DNAJC17: variants seen among roughly 807,000 people sequenced by gnomAD.
DNAJC17 encodes the protein DnaJ heat shock protein family (Hsp40) member C17.
In DNAJC17, 35 loss-of-function variants were observed where a neutral mutation model predicts 48.1. The ratio of observed to expected loss-of-function variants is 0.73; its 90% CI spans 0.56 to 0.96. DNAJC17 has a LOEUF of 0.96. Ranked by LOEUF, DNAJC17 falls within the 50% of genes least tolerant of loss-of-function variation. The pLI, the probability that DNAJC17 is intolerant of heterozygous loss-of-function variation, is 0.00. For missense variants in DNAJC17, 355 were observed against 377.1 expected, an observed-to-expected ratio of 0.94 and a Z score of 0.48; for synonymous variants, 117 against 142.7, an observed-to-expected ratio of 0.82 and a Z score of 1.28.
intron 1 of DNAJC17, among the ~76,000 whole-genome samples, chr15:40,803,022 G>A (rs1250818392): frequency 6.6e-6 from 1 of 151,506 alleles, no homozygotes; most frequent in Non-Finnish European, 1.5e-5. Flanking sequence ...AGGATTGCTT[G>A]AGCCCAGGAG....
intron 10 of DNAJC17, among the ~76,000 whole-genome samples, 171 bp downstream of exon 10, chr15:40,773,556 G>C (rs369464811): frequency 6.6e-6 from 1 of 152,212 alleles, no homozygotes; most frequent in Admixed American, 6.5e-5. Flanking sequence ...GGCCCTCAGA[G>C]AGGAAAAGGG....
At chr15:40,793,457 T>C (rs1038353501) in intron 1 of DNAJC17, among the ~76,000 whole-genome samples, 3 of 152,116 alleles carry the variant, frequency 2.0e-5, no homozygotes, top group Admixed American at 6.6e-5. Context: ...CTCCATTCAT[T>C]TGTTGATGTG....
At chr15:40,799,995 T>G (rs1409747466) in intron 1 of DNAJC17, among the ~76,000 whole-genome samples, 2 of 141,212 alleles carry the variant, frequency 1.4e-5, no homozygotes, top group East Asian at 3.9e-4. Flanking sequence ...CACACCAGGG[T>G]TTTTTTTTTG....
chr15:40,786,574 G>A (rs1263692153), intron 1 of DNAJC17, among the ~76,000 whole-genome samples: 2 of 152,192 alleles, frequency 1.3e-5, no homozygotes, highest in African/African-American at 4.8e-5. Context: ...ACAGCAAGGT[G>A]TGGCTTTTCA....
In DNAJC17 at chr15:40,770,624, CGAG is replaced by C. The variant is rs1260786331; in HGVS notation, c.793-2565_793-2563del. ...AGGCCAGCACAGCAGGTGGGGACCACGAGGAGTACAGCAACCGAGAAGTCATCC... is the reference window on the plus strand; with the variant it reads ...AGGCCAGCACAGCAGGTGGGGACCACGAGTACAGCAACCGAGAAGTCATCC... On this transcript the variant is annotated intron_variant, in intron 10 of 10. Coordinates refer to ENST00000220496, the MANE Select transcript of DNAJC17 (RefSeq NM_018163.3). This position sits in a 1 kb window ranked among gnomAD's most constrained non-coding sequence, Gnocchi z 5.0. 2 of 1,550,562 alleles carry C rather than the reference CGAG, an allele frequency of 1.3e-6. No individual in the cohort carries two copies. Among genetic ancestry groups the C allele is most frequent in the East Asian group, 2.4e-5 (1 of 40,922 alleles).
At position 40,768,072 on chromosome 15, in the gene DNAJC17, A is replaced by G; in HGVS notation, c.793-10T>C. 1 of 1,548,588 alleles carries G rather than the reference A, an allele frequency of 6.5e-7. No homozygotes were observed. Among genetic ancestry groups the G allele is most frequent in the Non-Finnish European group, 8.7e-7 (1 of 1,150,956 alleles). On this transcript the variant is annotated splice_polypyrimidine_tract_variant and intron_variant, in intron 10 of 10. Coordinates refer to ENST00000220496, the MANE Select transcript of DNAJC17 (RefSeq NM_018163.3). The stretch of plus-strand genomic sequence containing the variant: ...CTGACAGCACTGAGCCCTGTCGGAC[A>G]GGGCAGGGACAGGGAGGGGTCAGGG...
In DNAJC17 at chr15:40,770,927, T is replaced by C; in HGVS notation, c.792+2800A>G. On this transcript the variant is annotated intron_variant, in intron 10 of 10. Transcript: ENST00000220496. This position sits in a 1 kb window ranked among gnomAD's most constrained non-coding sequence, Gnocchi z 5.0. ...GGACACCTACCCCAGACCTCAGTGA[T>C]CCCTTCCTCTCCTTCAAAGTGGACC... is the stretch of plus-strand genomic sequence containing the variant. 2 of 1,551,458 alleles carry C rather than the reference T, an allele frequency of 1.3e-6. No homozygotes were observed. The highest frequency in any genetic ancestry group is 1.7e-6 in the Non-Finnish European group (2 of 1,146,988).
In DNAJC17 at chr15:40,767,114, A is replaced by G. The variant is rs1255538021; in HGVS notation, c.*826T>C. The G allele has an allele frequency of 1.7e-6, 2 of 1,155,974 alleles. No individual in the cohort carries two copies. The highest frequency in any genetic ancestry group is 2.3e-6 in the Non-Finnish European group (2 of 860,866). 71.6% of individuals were successfully genotyped at this position (1,155,974 alleles called of 1,614,324 possible). A position where few individuals can be genotyped will look rare whatever the true frequency, so the allele number is the denominator to read the frequency against. ...TTACCCCAGCGCCCAGCAAGCAGCC[A>G]GCAAGTGTGAGTCACTACAAGAGTG... On this transcript the variant is annotated 3_prime_UTR_variant, in exon 11 of 11. Coordinates refer to ENST00000220496, the MANE Select transcript of DNAJC17 (RefSeq NM_018163.3).
intron 1 of DNAJC17, among the ~76,000 whole-genome samples, chr15:40,783,088 A>G (rs1432073756): frequency 2.6e-5 from 4 of 151,736 alleles, no homozygotes; most frequent in South Asian, 2.1e-4. Flanking sequence ...GCAATATATC[A>G]TCTTTACTTT....
At chr15:40,775,635 G>T in intron 6 of DNAJC17, 39 bp from the exon 7 acceptor site, 1 of 1,598,094 alleles carries the variant, frequency 6.3e-7, no homozygotes, top group Non-Finnish European at 8.6e-7. Flanking sequence ...AGAATATGAG[G>T]GAGTCAGAGA....
At chr15:40,780,040 C>T in intron 1 of DNAJC17, 43 bp from the exon 2 acceptor site, 1 of 1,587,050 alleles carries the variant, frequency 6.3e-7, no homozygotes, top group Non-Finnish European at 8.6e-7. Context: ...ACTCTCATCC[C>T]AGGGACAAAC....
In DNAJC17 at chr15:40,767,562, T is replaced by C. The variant is rs1888978828; in HGVS notation, c.*378A>G. 1 of 616,296 alleles carries C rather than the reference T, an allele frequency of 1.6e-6. No individual in the cohort carries two copies. Among genetic ancestry groups the C allele is most frequent in the East Asian group, 3.2e-5 (1 of 30,790 alleles). The allele number at this position is 616,296 out of a possible 1,614,324, so 38.2% of individuals were successfully genotyped here. A position where few individuals can be genotyped will look rare whatever the true frequency, so the allele number is the denominator to read the frequency against. ...TGCCCGGTGCCCTGGTGCTCCCAGC[T>C]GCCCTCCTGCTTCGGGCCTGGGCCG... On this transcript the variant is annotated 3_prime_UTR_variant, in exon 11 of 11. Coordinates refer to ENST00000220496, the MANE Select transcript of DNAJC17 (RefSeq NM_018163.3).
intron 1 of DNAJC17, among the ~76,000 whole-genome samples, chr15:40,783,234 T>C (rs1889551154): frequency 6.6e-6 from 1 of 152,186 alleles, no homozygotes; most frequent in African/African-American, 2.4e-5. Context: ...AGTAAAACAA[T>C]ACCAAAAACA....
intron 1 of DNAJC17, among the ~76,000 whole-genome samples, chr15:40,780,884 C>G (rs567976600): frequency 6.6e-6 from 1 of 151,892 alleles, no homozygotes. Context: ...TGGTGGCTCA[C>G]GCCTGTAATC....
rs1342860533 is a variant in DNAJC17, at chr15:40,798,991, G to A, written c.78+8378C>T. Among the ~76,000 whole-genome samples, 4 of 151,992 alleles carry A rather than the reference G, an allele frequency of 2.6e-5. 1 individual carries two copies. In the South Asian group the frequency reaches 6.2e-4, roughly 24 times the overall value. On this transcript the variant is annotated intron_variant, in intron 1 of 10. Transcript: ENST00000220496. The stretch of plus-strand genomic sequence containing the variant: ...TCCCAGCACTTTGGGAGGCTGAGGC[G>A]GGCGGATCACGAGGTGAGGAGATAG...
chr15:40,772,618 C>T (rs568078876), intron 10 of DNAJC17, among the ~76,000 whole-genome samples: 74 of 152,214 alleles, frequency 4.9e-4, no homozygotes, highest in Middle Eastern at 3.2e-3. Context: ...AGTGGAGGGG[C>T]AGGCAACGGA....
At chr15:40,781,676 C>T (rs1889493041) in intron 1 of DNAJC17, among the ~76,000 whole-genome samples, 2 of 151,962 alleles carry the variant, frequency 1.3e-5, no homozygotes, top group African/African-American at 2.4e-5. Flanking sequence ...AATCCCAGCA[C>T]TTTGGGAGGC....
At chr15:40,804,044 C>T (rs1418308313) in intron 1 of DNAJC17, among the ~76,000 whole-genome samples, 1 of 151,484 alleles carries the variant, frequency 6.6e-6, no homozygotes, top group Non-Finnish European at 1.5e-5. Context: ...AAAATCATAG[C>T]TCACTGAAAC....
At position 40,770,498 on chromosome 15, in the gene DNAJC17, G is replaced by T. The variant is rs1287353086; in HGVS notation, c.793-2436C>A. 1.3e-6 allele frequency: 2 copies of T among 1,548,496 alleles called. No homozygotes were observed. Among genetic ancestry groups the T allele is most frequent in the Non-Finnish European group, 1.7e-6 (2 of 1,146,168 alleles). Reference sequence around the variant, plus strand: ...GTCTGCTGGCTCCCCTGGGCCCCATGGAGACCTGGCGGAAAGGCTCCTTCC... The same window carrying T: ...GTCTGCTGGCTCCCCTGGGCCCCATTGAGACCTGGCGGAAAGGCTCCTTCC... On this transcript the variant is annotated intron_variant, in intron 10 of 10. Transcript: ENST00000220496. This position sits in a 1 kb window ranked among gnomAD's most constrained non-coding sequence, Gnocchi z 5.0.
Sources: allele counts gnomAD v4.1 joint callset (sites outside exome capture counted in the v4.1 genomes callset), GRCh38; gene constraint gnomAD v4.1.1; non-coding constraint Gnocchi (gnomAD v3.1); transcripts MANE v1.5; gene names NCBI Gene and HGNC (gene_info 2026-07-23, HGNC 2026-07-21).